PLCH1: variants seen among roughly 807,000 people sequenced by gnomAD.
The protein encoded by PLCH1 is phospholipase C eta 1, also known as 1-phosphatidylinositol 4,5-bisphosphate phosphodiesterase eta-1.
In PLCH1, 60 loss-of-function variants were observed where a neutral mutation model predicts 126.7. The observed-to-expected ratio is 0.47, with a 90% CI of 0.38 to 0.59. The LOEUF is 0.59. Ranked by LOEUF, PLCH1 falls within the 20% of genes least tolerant of loss-of-function variation. PLCH1 has a pLI of 0.00. For missense variants in PLCH1, 1,723 were observed against 2,040.0 expected, an observed-to-expected ratio of 0.84 and a Z score of 2.99; for synonymous variants, 719 against 734.9, an observed-to-expected ratio of 0.98 and a Z score of 0.35.
chr3:155,743,183 G>T (rs11922468), intron 1 of PLCH1: 2 of 432,524 alleles, frequency 4.6e-6, no homozygotes, highest in Non-Finnish European at 9.2e-6. Flanking sequence ...GTAAACAAAC[G>T]GATTTTAAAA....
intron 2 of PLCH1, among the ~76,000 whole-genome samples, chr3:155,600,589 C>T (rs151208514): frequency 2.8e-5 from 4 of 142,256 alleles, no homozygotes; most frequent in Non-Finnish European, 6.0e-5. Context: ...CTTTATGGTA[C>T]GCTTAAGATA....
intron 2 of PLCH1, among the ~76,000 whole-genome samples, chr3:155,623,527 GA>G (rs1303953212): frequency 6.6e-6 from 1 of 151,920 alleles, no homozygotes; most frequent in African/African-American, 2.4e-5. Flanking sequence ...TAATAAAGAA[GA>G]AAAGAAAGAA....
intron 6 of PLCH1, among the ~76,000 whole-genome samples, chr3:155,570,722 T>C (rs1303141839): frequency 6.6e-6 from 1 of 152,184 alleles, no homozygotes; most frequent in Non-Finnish European, 1.5e-5. Flanking sequence ...GAACCAAAGA[T>C]CAAATTTGGA....
At chr3:155,621,692 C>G (rs1736530621) in intron 2 of PLCH1, among the ~76,000 whole-genome samples, 1 of 151,920 alleles carries the variant, frequency 6.6e-6, no homozygotes. Context: ...TGAAATAAAG[C>G]AAGAAGACAA....
chr3:155,585,885 A>G (rs770051363), intron 5 of PLCH1, among the ~76,000 whole-genome samples, 180 bp downstream of exon 5: 1 of 152,242 alleles, frequency 6.6e-6, no homozygotes, highest in Non-Finnish European at 1.5e-5. Context: ...TTTTGGACGA[A>G]TGTTAAATTT....
At chr3:155,611,205 C>T (rs1735044033) in intron 2 of PLCH1, among the ~76,000 whole-genome samples, 1 of 152,016 alleles carries the variant, frequency 6.6e-6, no homozygotes, top group Non-Finnish European at 1.5e-5. Context: ...GCCTGGATAA[C>T]ATGGCAAACC....
intron 15 of PLCH1, among the ~76,000 whole-genome samples, chr3:155,494,846 ATAACT>A (rs1444104904): frequency 6.6e-6 from 1 of 152,200 alleles, no homozygotes; most frequent in Non-Finnish European, 1.5e-5. Flanking sequence ...GGTAGAAAAA[ATAACT>A]TAAACAGAAT....
chr3:155,578,822 C>G (rs531027505), intron 6 of PLCH1, among the ~76,000 whole-genome samples: 1 of 152,134 alleles, frequency 6.6e-6, no homozygotes, highest in Non-Finnish European at 1.5e-5. Flanking sequence ...TATCTCCGGC[C>G]TTCCCCCCAG....
At chr3:155,492,989 A>C in intron 17 of PLCH1, 136 bp from the exon 18 acceptor site, 1 of 751,160 alleles carries the variant, frequency 1.3e-6, no homozygotes, top group Non-Finnish European at 1.9e-6. Context: ...AGTGTGGCAT[A>C]GCTGTGGTTT....
Position 155,547,276 on chromosome 3 carries a change from A to G in PLCH1, c.1362+2511T>C, listed in dbSNP as rs539426815. Reference sequence around the variant, plus strand: ...AAAGAAGACATTTATGCAGCCAAAAAACACATGAAAAAATGCTCACCATCA... The same window carrying G: ...AAAGAAGACATTTATGCAGCCAAAAGACACATGAAAAAATGCTCACCATCA... On this transcript the variant is annotated intron_variant, in intron 10 of 22. Coordinates refer to ENST00000460012, the MANE Select transcript of PLCH1 (RefSeq NM_014996.4). Among the ~76,000 whole-genome samples the G allele has an allele frequency of 6.0e-5, 9 of 151,216 alleles. No individual in the cohort carries two copies. The East Asian group carries it at 1.6e-3, about 26-fold the overall frequency.
intron 21 of PLCH1, among the ~76,000 whole-genome samples, chr3:155,469,900 G>C (rs1713115057): frequency 1.3e-5 from 2 of 152,046 alleles, no homozygotes; most frequent in South Asian, 4.1e-4. Flanking sequence ...AAACAGAAAG[G>C]ACATCCACAC....
chr3:155,457,169 G>A (rs1712468182), intron 21 of PLCH1: 1 of 152,434 alleles, frequency 6.6e-6, no homozygotes. Flanking sequence ...GCCCCTGCTG[G>A]GGAAAAAGAG....
At chr3:155,734,497 A>T (rs1356861633) in intron 1 of PLCH1, among the ~76,000 whole-genome samples, 2 of 152,138 alleles carry the variant, frequency 1.3e-5, no homozygotes, top group Non-Finnish European at 2.9e-5. Context: ...AATTAAAAAT[A>T]GAACTACTAT....
At chr3:155,692,573 G>A (rs1490227696) in intron 2 of PLCH1, among the ~76,000 whole-genome samples, 4 of 151,982 alleles carry the variant, frequency 2.6e-5, no homozygotes, top group African/African-American at 9.7e-5. Flanking sequence ...GTTTTGTTTT[G>A]TTTTAACTTG....
At chr3:155,526,239 C>A (rs1202594889) in intron 10 of PLCH1, among the ~76,000 whole-genome samples, 1 of 152,088 alleles carries the variant, frequency 6.6e-6, no homozygotes, top group Non-Finnish European at 1.5e-5. Flanking sequence ...TGAGCGTGGC[C>A]TGGACCTAGT....
At chr3:155,632,452 G>A (rs980154430) in intron 2 of PLCH1, among the ~76,000 whole-genome samples, 8 of 152,136 alleles carry the variant, frequency 5.3e-5, no homozygotes, top group Non-Finnish European at 7.3e-5. Flanking sequence ...GCTGTAAAGC[G>A]GTTTATCTTT....
At chr3:155,619,624 A>T (rs1736216251) in intron 2 of PLCH1, among the ~76,000 whole-genome samples, 1 of 152,096 alleles carries the variant, frequency 6.6e-6, no homozygotes, top group Admixed American at 6.6e-5. Context: ...CAAAACAGAA[A>T]ATGGAAGAAG....
In PLCH1 at chr3:155,492,692, A is replaced by T; in HGVS notation, c.2307+37T>A. ...TGTAAATGCACTAAGATAATCACAT[A>T]ATTAACCACTTAGACACGTAGTCAT... On this transcript the variant is annotated intron_variant, in intron 18 of 22. Coordinates refer to ENST00000460012, the MANE Select transcript of PLCH1 (RefSeq NM_014996.4). 3 of 1,502,516 alleles carry T rather than the reference A, an allele frequency of 2.0e-6. No individual in the cohort carries two copies. In the South Asian group the frequency reaches 4.1e-5, roughly 21 times the overall value. The allele number at this position is 1,502,516 out of a possible 1,614,324, so 93.1% of individuals were successfully genotyped here.
At chr3:155,578,038 C>T (rs1324927662) in intron 6 of PLCH1, among the ~76,000 whole-genome samples, 1 of 152,128 alleles carries the variant, frequency 6.6e-6, no homozygotes, top group Non-Finnish European at 1.5e-5. Flanking sequence ...ATTCTCCAAC[C>T]ACTAAAGCTT....
Sources: gnomAD v4.1 joint callset for allele counts (sites outside exome capture counted in the v4.1 genomes callset) on GRCh38, gnomAD v4.1.1 for gene constraint, MANE v1.5 for transcripts, NCBI Gene and HGNC (gene_info 2026-07-23, HGNC 2026-07-21) for gene names.